Variants in FIP1L1 observed in about 807,000 individuals in gnomAD.
FIP1L1 encodes pre-mRNA 3'-end-processing factor FIP1.
In FIP1L1, 21 loss-of-function variants were observed where a neutral mutation model predicts 84.6. That is an observed-to-expected ratio of 0.25 (90% CI 0.18 to 0.36). The LOEUF (loss-of-function observed/expected upper bound fraction) is 0.36, where lower values mean the gene tolerates loss of function less well. Ranked by LOEUF, FIP1L1 falls within the 10% of genes least tolerant of loss-of-function variation. The pLI is 1.00. For missense variants in FIP1L1, 526 were observed against 751.1 expected (o/e 0.70, Z 3.50); for synonymous variants, 263 against 242.3 (o/e 1.09, Z -0.80).
At chr4:53,451,880 C>T (rs1392383951) in intron 15 of FIP1L1, among the ~76,000 whole-genome samples, 2 of 147,312 alleles carry the variant, frequency 1.4e-5, no homozygotes, top group Non-Finnish European at 3.0e-5. Context: ...ATCTGATAGA[C>T]ATTCCTTTTT....
rs533609885 is a variant in FIP1L1, at chr4:53,412,798, A to G, written c.816-1817A>G. Reference sequence around the variant, plus strand: ...AATAAGTAATTTGTGGAAAGGCTAAATATCCTGTTCCTCTTCAAACTTTTT... The same window carrying G: ...AATAAGTAATTTGTGGAAAGGCTAAGTATCCTGTTCCTCTTCAAACTTTTT... On this transcript the variant is annotated intron_variant, in intron 10 of 17. Coordinates refer to ENST00000337488, the MANE Select transcript of FIP1L1 (RefSeq NM_030917.4). Among the ~76,000 whole-genome samples, 9 of 152,224 alleles carry G rather than the reference A, an allele frequency of 5.9e-5. No individual in the cohort carries two copies. In the South Asian group the frequency reaches 1.4e-3, roughly 25 times the overall value.
chr4:53,451,370 A>G (rs754052257), intron 15 of FIP1L1, among the ~76,000 whole-genome samples: 3 of 145,576 alleles, frequency 2.1e-5, no homozygotes, highest in Non-Finnish European at 4.5e-5. Flanking sequence ...TATTCAGGTT[A>G]TAGTTAGGTT....
At chr4:53,384,163 C>G (rs1401956316) in intron 5 of FIP1L1, among the ~76,000 whole-genome samples, 2 of 152,132 alleles carry the variant, frequency 1.3e-5, no homozygotes, top group East Asian at 3.8e-4. Flanking sequence ...AATCCCAGGA[C>G]TTTGGGAGGC....
intron 10 of FIP1L1, among the ~76,000 whole-genome samples, chr4:53,406,622 G>A (rs1020995823): frequency 1.3e-5 from 2 of 152,134 alleles, no homozygotes; most frequent in Non-Finnish European, 2.9e-5. Flanking sequence ...GAATTCGGCT[G>A]TGAATCCATC....
At chr4:53,410,353 G>A (rs544481784) in intron 10 of FIP1L1, among the ~76,000 whole-genome samples, 7 of 152,266 alleles carry the variant, frequency 4.6e-5, no homozygotes, top group Non-Finnish European at 5.9e-5. Flanking sequence ...ACAGCTTCTC[G>A]TGTAGTTGTA....
intron 9 of FIP1L1, 70 bp downstream of exon 9, chr4:53,391,568 C>T: frequency 9.2e-7 from 1 of 1,088,718 alleles, no homozygotes; most frequent in South Asian, 1.3e-5. Context: ...TGCCACTACT[C>T]AAGGGACAAG....
At position 53,391,358 on chromosome 4, in the gene FIP1L1, A is replaced by G; in HGVS notation, c.637-72A>G. On this transcript the variant is annotated intron_variant, in intron 8 of 17. Transcript: ENST00000337488. ...TTCAAATCACAGACTAGCCACAGCT[A>G]GTTTGTCTTTATATGGCCTATTAAT... 3 of 1,321,438 alleles carry G rather than the reference A, an allele frequency of 2.3e-6. No individual in the cohort carries two copies. The Admixed American group carries it at 5.3e-5, about 23-fold the overall frequency. The allele number at this position is 1,321,438 out of a possible 1,614,324, so 81.9% of individuals were successfully genotyped here.
chr4:53,409,113 C>A (rs1381162041), intron 10 of FIP1L1, among the ~76,000 whole-genome samples: 1 of 152,106 alleles, frequency 6.6e-6, no homozygotes, highest in Non-Finnish European at 1.5e-5. Flanking sequence ...GTTTTTTCCC[C>A]ATCTTTGTGG....
At chr4:53,403,740 G>A (rs536167327) in intron 10 of FIP1L1, among the ~76,000 whole-genome samples, 1 of 152,204 alleles carries the variant, frequency 6.6e-6, no homozygotes, top group African/African-American at 2.4e-5. Flanking sequence ...GTTGGGCATT[G>A]TTGTGGAGGA....
chr4:53,377,834 C>A lies in FIP1L1; in HGVS notation c.-5C>A. 1 of 1,568,588 alleles carries A rather than the reference C, an allele frequency of 6.4e-7. No homozygotes were observed. The highest frequency in any genetic ancestry group is 1.9e-5 in the Admixed American group (1 of 53,676). Reference sequence around the variant, plus strand: ...CGCCGCGTTTAAGTTGCGCTCGGGGCGGCCATGTCGGCCGGCGAGGTCGAG... The same window carrying A: ...CGCCGCGTTTAAGTTGCGCTCGGGGAGGCCATGTCGGCCGGCGAGGTCGAG... On this transcript the variant is annotated 5_prime_UTR_variant, in exon 1 of 18. Transcript: ENST00000337488.
rs1753321341 is a variant in FIP1L1, at chr4:53,406,171, GA to G, written c.815+6333del. 2.6e-5 allele frequency among the ~76,000 whole-genome samples: 4 copies of G among 152,136 alleles called. 1 individual carries two copies. In the South Asian group the frequency reaches 8.3e-4, roughly 32 times the overall value. On this transcript the variant is annotated intron_variant, in intron 10 of 17. Coordinates refer to ENST00000337488, the MANE Select transcript of FIP1L1 (RefSeq NM_030917.4). ...TGTTATAGATAGCTCTTATTATTTT[GA>G]GATACGTCCTATTTACATACCTAAT...
At chr4:53,386,727 G>T (rs1741286893) in intron 5 of FIP1L1, among the ~76,000 whole-genome samples, 1 of 152,162 alleles carries the variant, frequency 6.6e-6, no homozygotes, top group African/African-American at 2.4e-5. Flanking sequence ...AAAAGAGATG[G>T]TTGAAATCAC....
chr4:53,450,000 G>A (rs984655962), intron 15 of FIP1L1, among the ~76,000 whole-genome samples: 2 of 151,848 alleles, frequency 1.3e-5, no homozygotes, highest in Non-Finnish European at 2.9e-5. Flanking sequence ...TAAAATTGTC[G>A]TGTTTTATTT....
chr4:53,448,559 T>C (rs1775140811), intron 15 of FIP1L1, among the ~76,000 whole-genome samples: 2 of 152,150 alleles, frequency 1.3e-5, no homozygotes, highest in Admixed American at 6.5e-5. Context: ...CTGACAGTTT[T>C]AAAGTAGGTG....
At chr4:53,408,749 C>G (rs1281466744) in intron 10 of FIP1L1, among the ~76,000 whole-genome samples, 13 of 152,148 alleles carry the variant, frequency 8.5e-5, no homozygotes, top group African/African-American at 3.1e-4. Flanking sequence ...TTCATTTGAT[C>G]TTGCATCACT....
At chr4:53,406,660 G>T (rs1753678447) in intron 10 of FIP1L1, among the ~76,000 whole-genome samples, 1 of 152,118 alleles carries the variant, frequency 6.6e-6, no homozygotes, top group Non-Finnish European at 1.5e-5. Flanking sequence ...TGGTTGGTAA[G>T]CTATTGATTA....
At chr4:53,454,001 A>G (rs1268968178) in intron 16 of FIP1L1, among the ~76,000 whole-genome samples, 6 of 152,342 alleles carry the variant, frequency 3.9e-5, no homozygotes, top group Admixed American at 3.9e-4. Flanking sequence ...TAAAAGTTTC[A>G]TAATCTTAAA....
rs1317950862 is a variant in FIP1L1, at chr4:53,460,399, T to A, written c.*950T>A. ...GAAAGAATAAATTACTAGGATCTTT[T>A]AAATAGTGATAATACAAAAGTAATC... On this transcript the variant is annotated 3_prime_UTR_variant, in exon 18 of 18. Coordinates refer to ENST00000337488, the MANE Select transcript of FIP1L1 (RefSeq NM_030917.4). 5.3e-6 allele frequency: 1 copy of A among 188,758 alleles called. No homozygotes were observed. Among genetic ancestry groups the A allele is most frequent in the Non-Finnish European group, 1.1e-5 (1 of 90,136 alleles). 11.7% of individuals were successfully genotyped at this position (188,758 alleles called of 1,614,324 possible).
At chr4:53,407,748 A>G (rs568301447) in intron 10 of FIP1L1, among the ~76,000 whole-genome samples, 16 of 152,126 alleles carry the variant, frequency 1.1e-4, no homozygotes, top group East Asian at 1.9e-4. Flanking sequence ...GCATTATGTA[A>G]TGGCCTTCTT....
Sources: gnomAD v4.1 joint callset for allele counts (sites outside exome capture counted in the v4.1 genomes callset) on GRCh38, gnomAD v4.1.1 for gene constraint, MANE v1.5 for transcripts, NCBI Gene and HGNC (gene_info 2026-07-23, HGNC 2026-07-21) for gene names.